The following ANTXRL variants were observed in gnomAD, a reference collection of about 807,000 sequenced individuals.
ANTXRL encodes the protein ANTXR like.
Under a neutral mutation model 75.4 loss-of-function variants are expected in ANTXRL, and 63 were observed. That is an observed-to-expected ratio of 0.84 (90% confidence interval 0.68 to 1.03). The LOEUF (loss-of-function observed/expected upper bound fraction) is 1.03. ANTXRL is among the 50% of genes least tolerant of loss of function. The probability of loss-of-function intolerance (pLI) is 0.00; values close to 1 mark genes in which losing one functional copy is unlikely to be tolerated. For synonymous variants in ANTXRL, 335 were observed against 291.3 expected, an observed-to-expected ratio of 1.15 and a Z score of -1.53; for missense variants, 797 against 789.4, an observed-to-expected ratio of 1.01 and a Z score of -0.12.
chr10:46,320,272 T>C (rs529015707), intron 16 of ANTXRL, among the ~76,000 whole-genome samples: 1 of 152,258 alleles, frequency 6.6e-6, no homozygotes, highest in East Asian at 1.9e-4. Flanking sequence ...CTGTATGAAA[T>C]TTAGAGCTAA....
rs577239354 is a variant in ANTXRL, at chr10:46,292,026, A to G, written c.249-32A>G. The G allele has an allele frequency of 1.8e-5, 27 of 1,532,820 alleles. No individual in the cohort carries two copies. In the African/African-American group the frequency reaches 3.3e-4, roughly 19 times the overall value. The allele number at this position is 1,532,820 out of a possible 1,614,324, so 95.0% of individuals were successfully genotyped here. A position where few individuals can be genotyped will look rare whatever the true frequency, so the allele number is the denominator to read the frequency against. On this transcript the variant is annotated intron_variant, in intron 1 of 16. Coordinates refer to ENST00000620264, the MANE Select transcript of ANTXRL (RefSeq NM_001278688.3). ...ACTTGCCCATCGGAGAGATGCACTC[A>G]TCTCCCTGACCCACATCTCCTTTTG...
chr10:46,316,855 AG>A (rs1352529106), intron 16 of ANTXRL, among the ~76,000 whole-genome samples: 2 of 152,158 alleles, frequency 1.3e-5, no homozygotes, highest in Admixed American at 1.3e-4. Context: ...CTATGGCTGC[AG>A]GGAATTTTTC....
chr10:46,288,388 A>T (rs538803763), intron 1 of ANTXRL, among the ~76,000 whole-genome samples: 1 of 152,202 alleles, frequency 6.6e-6, no homozygotes, highest in East Asian at 1.9e-4. Flanking sequence ...AAGCATCCAG[A>T]GACAGCTAGT....
intron 12 of ANTXRL, among the ~76,000 whole-genome samples, chr10:46,308,909 C>A (rs1354946216): frequency 6.6e-6 from 1 of 152,142 alleles, no homozygotes; most frequent in Admixed American, 6.5e-5. Context: ...ACTTTCTTGG[C>A]AGGGCTCTGG....
intron 5 of ANTXRL, among the ~76,000 whole-genome samples, chr10:46,297,025 T>C (rs7916724): frequency 0.41 from 61,720 of 151,846 alleles, 12,263 homozygotes; most frequent in Non-Finnish European, 0.48. Flanking sequence ...CTCAGCCCCT[T>C]CTCTGTAAAA....
chr10:46,311,123 G>C (rs1362537517), intron 14 of ANTXRL, among the ~76,000 whole-genome samples: 1 of 152,094 alleles, frequency 6.6e-6, no homozygotes, highest in African/African-American at 2.4e-5. Context: ...AGGAGGCCCT[G>C]GGCCTGGGAT....
intron 16 of ANTXRL, among the ~76,000 whole-genome samples, chr10:46,322,180 C>T (rs1234272587): frequency 1.3e-5 from 2 of 152,046 alleles, no homozygotes; most frequent in African/African-American, 4.8e-5. Context: ...ATACTGATAC[C>T]CCGTTGAGGT....
intron 14 of ANTXRL, among the ~76,000 whole-genome samples, chr10:46,310,785 C>G (rs1468111341): frequency 6.6e-6 from 1 of 152,106 alleles, no homozygotes; most frequent in Non-Finnish European, 1.5e-5. Flanking sequence ...GGCTCTCTGT[C>G]AAGGACCTTT....
At chr10:46,293,977 C>T (rs1308433884) in intron 3 of ANTXRL, 77 bp downstream of exon 3, 122 of 1,386,426 alleles carry the variant, frequency 8.8e-5, no homozygotes, top group East Asian at 1.2e-4. Context: ...GAAGGGCTCC[C>T]GGAGACCTTG....
At chr10:46,286,423 G>A (rs1357182799), upstream of ANTXRL, 1 of 152,152 alleles carries the variant, frequency 6.6e-6, no homozygotes, top group Non-Finnish European at 1.5e-5. Flanking sequence ...CCAGGTTTTG[G>A]GCCCTCCTGC....
intron 16 of ANTXRL, among the ~76,000 whole-genome samples, chr10:46,317,244 T>A (rs959200075): frequency 7.2e-5 from 11 of 152,190 alleles, no homozygotes; most frequent in African/African-American, 2.4e-4. Flanking sequence ...TAATCTATGA[T>A]CCAGTCTGTT....
At chr10:46,293,647 C>A (rs1554957538) in intron 2 of ANTXRL, among the ~76,000 whole-genome samples, 182 bp from the exon 3 acceptor site, 1 of 151,924 alleles carries the variant, frequency 6.6e-6, no homozygotes, top group Non-Finnish European at 1.5e-5. Flanking sequence ...CTGACTCTCC[C>A]TTCTATGGAG....
intron 16 of ANTXRL, among the ~76,000 whole-genome samples, chr10:46,326,443 A>G (rs2132930417): frequency 6.6e-6 from 1 of 152,178 alleles, no homozygotes; most frequent in East Asian, 1.9e-4. Flanking sequence ...TCCTTCTGGG[A>G]GTGGCATTAT....
intron 16 of ANTXRL, among the ~76,000 whole-genome samples, chr10:46,313,581 A>G (rs1838557210): frequency 6.6e-6 from 1 of 152,186 alleles, no homozygotes; most frequent in African/African-American, 2.4e-5. Context: ...TGGTTCTAAC[A>G]GGGAATAAGG....
intron 14 of ANTXRL, among the ~76,000 whole-genome samples, chr10:46,311,116 AGGCCCTG>A (rs1554963363): frequency 6.6e-6 from 1 of 152,050 alleles, no homozygotes; most frequent in Non-Finnish European, 1.5e-5. Context: ...CTGAGGCAGG[AGGCCCTG>A]GGCCTGGGAT....
chr10:46,297,303 A>G lies in ANTXRL; in HGVS notation c.560A>G (p.His187Arg), dbSNP rs1464416655. Reference sequence around the variant, plus strand: ...ATGACTGATGGAGAACTGGTGGCACATGCATTTCAGGACACTCTCAGAGAA... The same window carrying G: ...ATGACTGATGGAGAACTGGTGGCACGTGCATTTCAGGACACTCTCAGAGAA... ...IAMTDGELVA[H>R]AFQDTLREAQ... Residue 187 changes from histidine (H) to arginine (R), a missense_variant, in exon 6 of 17, where the codon CAT becomes CGT. His to Arg is a conservative substitution (Grantham distance 29). This residue lies in a region of ANTXRL where 262 missense variants were observed against 271.9 expected (regional missense o/e 0.96). Transcript: ENST00000620264. 3 of 1,536,424 alleles carry G rather than the reference A, an allele frequency of 2.0e-6. No homozygotes were observed. The African/African-American group carries it at 4.1e-5, about 21-fold the overall frequency.
At chr10:46,307,862 C>T (rs1391654223) in intron 12 of ANTXRL, among the ~76,000 whole-genome samples, 25 of 152,114 alleles carry the variant, frequency 1.6e-4, no homozygotes, top group African/African-American at 5.6e-4. Flanking sequence ...ATGCCTTCAG[C>T]CCCCTTTCTG....
chr10:46,299,267 C>T (rs1554959870), intron 9 of ANTXRL, among the ~76,000 whole-genome samples: 1 of 152,154 alleles, frequency 6.6e-6, no homozygotes, highest in African/African-American at 2.4e-5. Context: ...CAGAAGGAAA[C>T]TTCCATAGCC....
At chr10:46,286,712 G>C (rs576571842), upstream of ANTXRL, among the ~76,000 whole-genome samples, 4 of 152,270 alleles carry the variant, frequency 2.6e-5, no homozygotes, top group East Asian at 7.7e-4. Context: ...GGGGACTTCA[G>C]TGTCACACAA....
Sources: gnomAD v4.1 joint callset for allele counts (sites outside exome capture counted in the v4.1 genomes callset) on GRCh38, gnomAD v4.1.1 for gene constraint, gnomAD v4.1.1 regional missense constraint, MANE v1.5 for transcripts, NCBI Gene and HGNC (gene_info 2026-07-23, HGNC 2026-07-21) for gene names.